The following GRID2 variants were observed in gnomAD, a reference collection of about 807,000 sequenced individuals.
GRID2 encodes glutamate receptor ionotropic, delta-2.
GRID2 carries 33 observed loss-of-function variants against 114.8 expected under a neutral mutation model. That is an observed-to-expected ratio of 0.29 (90% CI 0.22 to 0.38). GRID2 has a LOEUF of 0.38. Ranked by LOEUF, GRID2 falls within the 10% of genes least tolerant of loss-of-function variation. GRID2 has a pLI of 1.00. For missense variants in GRID2, 1,184 were observed against 1,257.7 expected, an observed-to-expected ratio of 0.94 and a Z score of 0.89; for synonymous variants, 505 against 449.9, an observed-to-expected ratio of 1.12 and a Z score of -1.55.
At chr4:92,982,022 TA>T (rs1161216679) in intron 2 of GRID2, among the ~76,000 whole-genome samples, 10,934 of 80,256 alleles carry the variant, frequency 0.14, 402 homozygotes, top group African/African-American at 0.22. Context: ...AAAGTACTGG[TA>T]AAAAAAAAAA....
chr4:92,570,184 A>C (rs1417642523), intron 1 of GRID2, among the ~76,000 whole-genome samples: 1 of 152,096 alleles, frequency 6.6e-6, no homozygotes, highest in Non-Finnish European at 1.5e-5. Flanking sequence ...ATGGCTAGCT[A>C]GTTCTCAGAG....
At chr4:93,677,501 C>T (rs542640336) in intron 14 of GRID2, among the ~76,000 whole-genome samples, 2 of 152,170 alleles carry the variant, frequency 1.3e-5, no homozygotes, top group Non-Finnish European at 2.9e-5. Context: ...GACCCCTGAC[C>T]CCCGAGCAGC....
chr4:93,361,746 A>C (rs2149275748), intron 8 of GRID2, among the ~76,000 whole-genome samples: 1 of 152,286 alleles, frequency 6.6e-6, no homozygotes, highest in South Asian at 2.1e-4. Flanking sequence ...AATGAAAGAC[A>C]GACACTATGT....
intron 10 of GRID2, among the ~76,000 whole-genome samples, chr4:93,436,002 C>G (rs1278901108): frequency 1.3e-5 from 1 of 79,588 alleles, no homozygotes; most frequent in African/African-American, 6.1e-5. Context: ...TTCCCCATTT[C>G]TTAAAAAAGG....
At chr4:93,760,942 A>T (rs1262487409) in intron 14 of GRID2, among the ~76,000 whole-genome samples, 1 of 152,160 alleles carries the variant, frequency 6.6e-6, no homozygotes, top group Non-Finnish European at 1.5e-5. Context: ...ATACTACCTC[A>T]TCTTGAATAA....
chr4:93,309,670 T>C (rs1755806375), intron 8 of GRID2, among the ~76,000 whole-genome samples: 1 of 152,184 alleles, frequency 6.6e-6, no homozygotes, highest in South Asian at 2.1e-4. Context: ...CTATCAATTC[T>C]AGAATAAAGC....
intron 2 of GRID2, among the ~76,000 whole-genome samples, chr4:92,715,054 C>T (rs928068923): frequency 6.6e-6 from 1 of 152,166 alleles, no homozygotes; most frequent in African/African-American, 2.4e-5. Context: ...CTTTTATGCT[C>T]TCTTTCCCTT....
intron 8 of GRID2, among the ~76,000 whole-genome samples, chr4:93,288,489 T>C (rs754263461): frequency 1.7e-4 from 26 of 152,168 alleles, no homozygotes; most frequent in Non-Finnish European, 2.8e-4. Flanking sequence ...TGTGTATCCA[T>C]CACTGCCCTT....
chr4:93,527,341 T>TA (rs1364960626), intron 13 of GRID2, among the ~76,000 whole-genome samples: 2 of 152,202 alleles, frequency 1.3e-5, no homozygotes, highest in African/African-American at 4.8e-5. Context: ...AGGGCTCTGC[T>TA]ATCTGGCGCC....
At chr4:92,868,062 T>G (rs368664084) in intron 2 of GRID2, among the ~76,000 whole-genome samples, 3,611 of 119,502 alleles carry the variant, frequency 0.03, 83 homozygotes, top group Non-Finnish European at 0.047. Flanking sequence ...CTTTCTTTCT[T>G]TCTTTCTGTC....
At chr4:92,420,492 G>A (rs533777269) in intron 1 of GRID2, among the ~76,000 whole-genome samples, 92 of 152,192 alleles carry the variant, frequency 6.0e-4, no homozygotes, top group African/African-American at 2.1e-3. Flanking sequence ...GCACATGCTT[G>A]TGTTATAAGA....
chr4:92,596,258 G>C (rs920144594), intron 2 of GRID2, among the ~76,000 whole-genome samples: 4 of 150,026 alleles, frequency 2.7e-5, no homozygotes, highest in Non-Finnish European at 5.9e-5. Flanking sequence ...TCATCCATTC[G>C]TTCATTTATT....
intron 2 of GRID2, among the ~76,000 whole-genome samples, chr4:92,828,271 A>G (rs768311505): frequency 6.6e-6 from 1 of 152,124 alleles, no homozygotes; most frequent in Non-Finnish European, 1.5e-5. Flanking sequence ...AGTTAAATTT[A>G]TTCAGAATTC....
chr4:93,156,520 G>A (rs977289255), intron 4 of GRID2, among the ~76,000 whole-genome samples: 4 of 151,748 alleles, frequency 2.6e-5, no homozygotes, highest in Non-Finnish European at 5.9e-5. Flanking sequence ...CCCTTTAGAT[G>A]TAGTGTTGAC....
At chr4:93,778,436 A>T (rs1480821489), downstream of GRID2, among the ~76,000 whole-genome samples, 2 of 122,978 alleles carry the variant, frequency 1.6e-5, no homozygotes, top group African/African-American at 6.3e-5. Context: ...TCGCTCTGTC[A>T]CCCAGGCTGG....
chr4:92,876,213 T>G (rs1745615260), intron 2 of GRID2, among the ~76,000 whole-genome samples: 1 of 151,844 alleles, frequency 6.6e-6, no homozygotes, highest in Non-Finnish European at 1.5e-5. Flanking sequence ...ACAGTGTGGA[T>G]TCTCTGTTTC....
At chr4:92,954,094 GAC>G (rs1313225970) in intron 2 of GRID2, among the ~76,000 whole-genome samples, 3 of 151,934 alleles carry the variant, frequency 2.0e-5, no homozygotes, top group Admixed American at 6.6e-5. Context: ...TCCATGTGCA[GAC>G]ACACACATAT....
intron 2 of GRID2, among the ~76,000 whole-genome samples, chr4:92,641,274 T>C (rs1341095306): frequency 6.9e-6 from 1 of 144,258 alleles, no homozygotes; most frequent in Admixed American, 7.2e-5. Context: ...AAAAGGAACA[T>C]TGTTCCTTTT....
chr4:92,554,591 G>C (rs1458905853), intron 1 of GRID2, among the ~76,000 whole-genome samples: 4 of 152,050 alleles, frequency 2.6e-5, no homozygotes, highest in Non-Finnish European at 5.9e-5. Context: ...ATGTCAAGCT[G>C]TTTACAGCTA....
Sources: allele counts gnomAD v4.1 joint callset (sites outside exome capture counted in the v4.1 genomes callset), GRCh38; gene constraint gnomAD v4.1.1; transcripts MANE v1.5; gene names NCBI Gene and HGNC (gene_info 2026-07-23, HGNC 2026-07-21).